Variants in RGS12 observed in about 807,000 individuals in gnomAD.
RGS12 encodes the protein regulator of G protein signaling 12.
In RGS12, 66 loss-of-function variants were observed where a neutral mutation model predicts 120.1. The observed-to-expected ratio is 0.55, with a 90% confidence interval of 0.45 to 0.67. RGS12 has a LOEUF of 0.67. RGS12 is among the 30% of genes least tolerant of loss of function. The pLI is 0.00. For synonymous variants in RGS12, 827 were observed against 804.7 expected (o/e 1.03, Z -0.47); for missense variants, 1,859 against 1,957.7 (o/e 0.95, Z 0.95).
At chr4:3,361,674 G>A (rs1452146497) in intron 3 of RGS12, among the ~76,000 whole-genome samples, 1 of 152,198 alleles carries the variant, frequency 6.6e-6, no homozygotes, top group African/African-American at 2.4e-5. Flanking sequence ...GCAAGAGGTG[G>A]AGGTCAGAGG....
At chr4:3,414,274 G>C in intron 5 of RGS12, 33 bp downstream of exon 5, 1 of 1,510,544 alleles carries the variant, frequency 6.6e-7, no homozygotes, top group Non-Finnish European at 8.9e-7. Context: ...GCAGCGGAGC[G>C]GTCTGTGCTC....
intron 3 of RGS12, among the ~76,000 whole-genome samples, chr4:3,368,015 G>C (rs557016462): frequency 6.6e-6 from 1 of 152,366 alleles, no homozygotes; most frequent in South Asian, 2.1e-4. Flanking sequence ...TGAAAGAACT[G>C]AGGTGAAATC....
At chr4:3,286,266 G>A in the RGS12 span, among the ~76,000 whole-genome samples, 16 of 152,320 alleles carry the variant, frequency 1.1e-4, no homozygotes, top group East Asian at 2.7e-3. Flanking sequence ...CCCAGGCCGC[G>A]TGTGGTTTCT....
upstream of RGS12, among the ~76,000 whole-genome samples, chr4:3,292,316 G>A (rs1424420399): frequency 1.3e-5 from 2 of 152,242 alleles, no homozygotes; most frequent in East Asian, 3.9e-4. Flanking sequence ...GGTGCCTCCG[G>A]TCCCGCCCTC....
intron 17 of RGS12, among the ~76,000 whole-genome samples, chr4:3,438,316 C>T (rs2109275014): frequency 6.6e-6 from 1 of 152,210 alleles, no homozygotes; most frequent in East Asian, 1.9e-4. Context: ...ACGCAGGAAC[C>T]TGCCCCCGAA....
At chr4:3,309,649 A>G (rs1724224959) in intron 1 of RGS12, among the ~76,000 whole-genome samples, 1 of 108,020 alleles carries the variant, frequency 9.3e-6, no homozygotes, top group Non-Finnish European at 1.9e-5. Context: ...CGTGTGGGGG[A>G]GGAGCTGGGA....
At chr4:3,431,735 G>C in intron 17 of RGS12, 3 of 985,656 alleles carry the variant, frequency 3.0e-6, no homozygotes, top group Non-Finnish European at 3.6e-6. Context: ...AGCCGCTCAG[G>C]GTGCGCGTCA....
chr4:3,393,675 C>T (rs916613188), intron 4 of RGS12, among the ~76,000 whole-genome samples: 3 of 152,144 alleles, frequency 2.0e-5, no homozygotes, highest in South Asian at 2.1e-4. Context: ...TGTCTTTTCC[C>T]GCAGGTTCTG....
At position 3,439,693 on chromosome 4, in the gene RGS12, G is replaced by A; in HGVS notation, c.*9G>A. 5.4e-6 allele frequency: 8 copies of A among 1,494,402 alleles called. No individual in the cohort carries two copies. Among genetic ancestry groups the A allele is most frequent in the Non-Finnish European group, 7.1e-6 (8 of 1,120,274 alleles). The allele number at this position is 1,494,402 out of a possible 1,614,324, so 92.6% of individuals were successfully genotyped here. ...ACGCCACCTTCGTCTGAGCTGCCCT[G>A]GCCTGGCCAACTCTCCTGTGGACAT... is the stretch of plus-strand genomic sequence containing the variant. On this transcript the variant is annotated 3_prime_UTR_variant, in exon 18 of 18. Transcript: ENST00000336727.
At position 3,317,667 on chromosome 4, in the gene RGS12, C is replaced by A; in HGVS notation, c.1497C>A (p.Asn499Lys). The A allele has an allele frequency of 6.2e-7, 1 of 1,604,772 alleles. No homozygotes were observed. The highest frequency in any genetic ancestry group is 8.5e-7 in the Non-Finnish European group (1 of 1,174,034). The change falls in exon 2 of 18, where the codon AAC becomes AAA. Residue 499 changes from asparagine (N) to lysine (K), a missense_variant. Asn to Lys is a moderately conservative substitution (Grantham distance 94, BLOSUM62 0). Transcript: ENST00000336727. ...AHQTDRFWDL[N>K]KHLGPASPVE... is the part of the protein sequence containing the mutation. ...AGACTGACAGGTTCTGGGACCTAAA[C>A]AAGCACCTAGGGCCAGCCTCTCCTG... is the stretch of plus-strand genomic sequence containing the variant.
chr4:3,314,062 AT>A (rs1371242878), intron 1 of RGS12: 6 of 151,468 alleles, frequency 4.0e-5, no homozygotes, highest in East Asian at 1.9e-4. Context: ...TTTTAAATTC[AT>A]TTTTTAATGA....
Position 3,416,907 on chromosome 4 carries a change from C to T in RGS12, c.2428-6C>T. 1.3e-6 allele frequency: 2 copies of T among 1,592,588 alleles called. No individual in the cohort carries two copies. Among genetic ancestry groups the T allele is most frequent in the Non-Finnish European group, 1.7e-6 (2 of 1,163,718 alleles). ...GTGACTGTCCCACCTTACATCTTCT[C>T]CCCAGATCTTCAATCTCATGAAGTT... is the stretch of plus-strand genomic sequence containing the variant. On this transcript the variant is annotated splice_polypyrimidine_tract_variant and splice_region_variant and intron_variant, in intron 7 of 17. Coordinates refer to ENST00000336727, the MANE Select transcript of RGS12 (RefSeq NM_001394154.1).
chr4:3,319,725 A>G (rs1404825487), intron 2 of RGS12, among the ~76,000 whole-genome samples: 2 of 152,238 alleles, frequency 1.3e-5, no homozygotes, highest in Non-Finnish European at 2.9e-5. Flanking sequence ...GATTACAGGC[A>G]TGAGCCACAC....
chr4:3,419,512 G>A (rs111834122), intron 9 of RGS12: 1 of 97,700 alleles, frequency 1.0e-5, no homozygotes, highest in African/African-American at 4.1e-5. Flanking sequence ...ATAAATAAAT[G>A]AAAGCAAACC....
rs777419354 is a variant in RGS12, at chr4:3,317,619, C to T, written c.1449C>T (p.Ser483=). The T allele has an allele frequency of 1.3e-6, 2 of 1,585,074 alleles. No individual in the cohort carries two copies. Among genetic ancestry groups the T allele is most frequent in the Admixed American group, 3.5e-5 (2 of 57,452 alleles). ...TGPFCPDPEG[S]PPFEAAHQTD... ...CCTTCTGTCCGGACCCCGAAGGGAG[C>T]CCCCCATTTGAGGCCGCTCATCAGA... Residue 483 remains serine, a synonymous_variant, in exon 2 of 18, where the codon AGC becomes AGT. Coordinates refer to ENST00000336727, the MANE Select transcript of RGS12 (RefSeq NM_001394154.1).
At chr4:3,333,335 T>C (rs952207955) in intron 2 of RGS12, among the ~76,000 whole-genome samples, 7 of 152,042 alleles carry the variant, frequency 4.6e-5, no homozygotes, top group African/African-American at 1.4e-4. Context: ...AGGCGTGAGC[T>C]ACCGTGCCCG....
chr4:3,414,818 C>T lies in RGS12; in HGVS notation c.2257C>T (p.His753Tyr). The T allele has an allele frequency of 6.2e-7, 1 of 1,613,434 alleles. No individual in the cohort carries two copies. The highest frequency in any genetic ancestry group is 8.5e-7 in the Non-Finnish European group (1 of 1,179,408). The change falls in exon 6 of 18, where the codon CAT becomes TAT. Residue 753 changes from histidine (H) to tyrosine (Y), a missense_variant. Physicochemically the swap from His to Tyr is moderately conservative, Grantham distance 83. Around this residue, in one of 3 missense-constraint regions of RGS12, gnomAD observed 375 missense variants for 475.0 expected, o/e 0.79. Coordinates refer to ENST00000336727, the MANE Select transcript of RGS12 (RefSeq NM_001394154.1). Reference protein sequence around the residue: ...LFWQACEYFNHVPAHDKKELS... With the variant: ...LFWQACEYFNYVPAHDKKELS... ...CTGGCAGGCCTGTGAATATTTTAAT[C>T]ATGTTCCTGCACATGACAAAAAGGA...
intron 6 of RGS12, 132 bp downstream of exon 6, chr4:3,414,976 T>A: frequency 2.1e-6 from 1 of 478,190 alleles, no homozygotes; most frequent in East Asian, 3.5e-5. Context: ...GAGAGGGGCG[T>A]GTGAGAGGTT....
At chr4:3,394,994 C>T (rs1719903345) in intron 4 of RGS12, among the ~76,000 whole-genome samples, 1 of 151,832 alleles carries the variant, frequency 6.6e-6, no homozygotes, top group African/African-American at 2.4e-5. Flanking sequence ...TATGGCAAAA[C>T]CCCGTCTCTA....
Sources: allele counts gnomAD v4.1 joint callset (sites outside exome capture counted in the v4.1 genomes callset), GRCh38; gene constraint gnomAD v4.1.1; regional missense constraint gnomAD v4.1.1; transcripts MANE v1.5; gene names NCBI Gene and HGNC (gene_info 2026-07-23, HGNC 2026-07-21).